Variants in UBE2V2 observed in about 807,000 individuals in gnomAD.
UBE2V2 encodes ubiquitin-conjugating enzyme E2 variant 2.
In UBE2V2, 9 loss-of-function variants were observed where a neutral mutation model predicts 17.2. The observed-to-expected ratio is 0.52, with a 90% CI of 0.32 to 0.91. The LOEUF is 0.91. UBE2V2 is among the 40% of genes least tolerant of loss of function. The probability of loss-of-function intolerance (pLI) is 0.04; values close to 1 mark genes in which losing one functional copy is unlikely to be tolerated. For synonymous variants in UBE2V2, 61 were observed against 57.5 expected (o/e 1.06, Z -0.28); for missense variants, 133 against 182.6 (o/e 0.73, Z 1.56).
chr8:48,042,226 TACTA>T (rs1190401034), intron 1 of UBE2V2: 14 of 152,212 alleles, frequency 9.2e-5, no homozygotes, highest in African/African-American at 3.1e-4. Flanking sequence ...GTCAAATCCT[TACTA>T]ACTAAAATTA....
At chr8:48,037,038 G>A (rs376695910) in intron 1 of UBE2V2, among the ~76,000 whole-genome samples, 1 of 152,134 alleles carries the variant, frequency 6.6e-6, no homozygotes, top group African/African-American at 2.4e-5. Context: ...TATTAGCCAT[G>A]CATCGTGGCA....
intron 1 of UBE2V2, chr8:48,042,532 C>CT (rs772465607): frequency 1.8e-3 from 251 of 135,852 alleles, no homozygotes; most frequent in African/African-American, 2.6e-3. Flanking sequence ...ACTCCTCATT[C>CT]TTTTTTTTTT....
At chr8:48,035,612 AATT>A (rs2154507464) in intron 1 of UBE2V2, among the ~76,000 whole-genome samples, 1 of 128,510 alleles carries the variant, frequency 7.8e-6, no homozygotes, top group Admixed American at 8.1e-5. Context: ...CATATTTAAA[AATT>A]ATTGTTTTTT....
At chr8:48,053,970 A>G (rs1563860291) in intron 3 of UBE2V2, among the ~76,000 whole-genome samples, 2 of 150,700 alleles carry the variant, frequency 1.3e-5, no homozygotes, top group East Asian at 2.0e-4. Context: ...ATGCCTGGCT[A>G]ATTTTTGTAT....
chr8:48,016,860 G>T (rs1157672081), intron 1 of UBE2V2, among the ~76,000 whole-genome samples: 1 of 137,140 alleles, frequency 7.3e-6, no homozygotes, highest in Admixed American at 7.7e-5. Flanking sequence ...GATGTCAGTT[G>T]ACTGCAACCT....
At chr8:48,013,311 T>A (rs1041970848) in intron 1 of UBE2V2, among the ~76,000 whole-genome samples, 1 of 102,668 alleles carries the variant, frequency 9.7e-6, no homozygotes, top group Non-Finnish European at 1.7e-5. Context: ...AACGTGAAAC[T>A]TTTTTTTTTT....
At chr8:48,028,503 G>C (rs568014230) in intron 1 of UBE2V2, among the ~76,000 whole-genome samples, 3 of 151,950 alleles carry the variant, frequency 2.0e-5, no homozygotes, top group Admixed American at 2.0e-4. Context: ...CACACCTGGC[G>C]AATTTTGTAT....
intron 1 of UBE2V2, among the ~76,000 whole-genome samples, chr8:48,036,121 A>G (rs2091423444): frequency 6.6e-6 from 1 of 151,132 alleles, no homozygotes; most frequent in East Asian, 2.0e-4. Flanking sequence ...TGCCTGGCTA[A>G]TTTTTGCATT....
intron 1 of UBE2V2, among the ~76,000 whole-genome samples, chr8:48,034,591 T>C (rs1039094230): frequency 8.9e-5 from 13 of 145,774 alleles, no homozygotes; most frequent in African/African-American, 3.0e-4. Context: ...TTTTAACTTA[T>C]ACACAATTAA....
chr8:48,008,674 C>A, intron 1 of UBE2V2: 1 of 514,788 alleles, frequency 1.9e-6, no homozygotes, highest in Non-Finnish European at 2.7e-6. Flanking sequence ...GTCGTGCTCG[C>A]GCGTCGGCCG....
chr8:48,044,520 G>A (rs1304688544), intron 2 of UBE2V2, among the ~76,000 whole-genome samples: 3 of 152,178 alleles, frequency 2.0e-5, no homozygotes, highest in African/African-American at 7.2e-5. Flanking sequence ...GAATTAGTGT[G>A]TGTTTTATGT....
intron 1 of UBE2V2, among the ~76,000 whole-genome samples, chr8:48,031,672 T>C (rs1307713944): frequency 6.6e-6 from 1 of 152,200 alleles, no homozygotes; most frequent in African/African-American, 2.4e-5. Flanking sequence ...TTTTTCTTTT[T>C]TGAGACGGAG....
intron 1 of UBE2V2, among the ~76,000 whole-genome samples, chr8:48,013,713 C>T (rs1452119898): frequency 6.6e-6 from 1 of 152,138 alleles, no homozygotes; most frequent in East Asian, 1.9e-4. Context: ...TTATGAGAAA[C>T]TCAGAAAAAA....
chr8:48,039,163 G>A (rs1236392009), intron 1 of UBE2V2, among the ~76,000 whole-genome samples: 3 of 152,138 alleles, frequency 2.0e-5, no homozygotes, highest in Admixed American at 6.6e-5. Flanking sequence ...GCCTCGTAAA[G>A]TGTTGGGATT....
At chr8:48,001,945 C>T in the UBE2V2 span, among the ~76,000 whole-genome samples, 17 of 152,084 alleles carry the variant, frequency 1.1e-4, no homozygotes, top group African/African-American at 2.7e-4. Flanking sequence ...CAAAATGAGC[C>T]GGACGTGGTG....
At chr8:48,017,564 G>A (rs1207701719) in intron 1 of UBE2V2, among the ~76,000 whole-genome samples, 1 of 151,844 alleles carries the variant, frequency 6.6e-6, no homozygotes, top group Non-Finnish European at 1.5e-5. Flanking sequence ...GTAGAGACGG[G>A]ATTTCTCCAT....
chr8:48,052,474 C>G (rs971363125), intron 3 of UBE2V2, among the ~76,000 whole-genome samples: 7 of 152,062 alleles, frequency 4.6e-5, no homozygotes, highest in Non-Finnish European at 1.5e-5. Flanking sequence ...ATTTTGCCTC[C>G]CTCTCTACCT....
At chr8:48,046,398 G>A (rs1161311666) in intron 2 of UBE2V2, among the ~76,000 whole-genome samples, 1 of 152,046 alleles carries the variant, frequency 6.6e-6, no homozygotes, top group Non-Finnish European at 1.5e-5. Flanking sequence ...GATTACAGGC[G>A]TGAGCCACCG....
At chr8:48,019,524 C>A (rs1385365574) in intron 1 of UBE2V2, among the ~76,000 whole-genome samples, 1 of 146,206 alleles carries the variant, frequency 6.8e-6, no homozygotes, top group Non-Finnish European at 1.5e-5. Context: ...GCGAGACTGT[C>A]TCAAAAAAAC....
Sources: gnomAD v4.1 joint callset for allele counts (sites outside exome capture counted in the v4.1 genomes callset) on GRCh38, gnomAD v4.1.1 for gene constraint, MANE v1.5 for transcripts, NCBI Gene and HGNC (gene_info 2026-07-23, HGNC 2026-07-21) for gene names.